Variants in SPIDR observed in about 807,000 individuals in gnomAD.
SPIDR encodes the protein scaffold protein involved in DNA repair.
In SPIDR, 93 loss-of-function variants were observed where a neutral mutation model predicts 104.6. The ratio of observed to expected loss-of-function variants is 0.89; its 90% CI spans 0.75 to 1.06. SPIDR has a LOEUF of 1.06. SPIDR is among the 50% of genes least tolerant of loss of function. The pLI, the probability that SPIDR is intolerant of heterozygous loss-of-function variation, is 0.00. For missense variants in SPIDR, 1,154 were observed against 1,111.2 expected, an observed-to-expected ratio of 1.04 and a Z score of -0.55; for synonymous variants, 431 against 416.9, an observed-to-expected ratio of 1.03 and a Z score of -0.41.
At chr8:47,337,241 C>T (rs2049938152) in intron 5 of SPIDR, among the ~76,000 whole-genome samples, 2 of 152,222 alleles carry the variant, frequency 1.3e-5, no homozygotes, top group South Asian at 2.1e-4. Flanking sequence ...TGACCTTCCA[C>T]CTCTGCCTCC....
At chr8:47,346,395 T>C (rs185532688) in intron 5 of SPIDR, among the ~76,000 whole-genome samples, 168 of 152,378 alleles carry the variant, frequency 1.1e-3, no homozygotes, top group African/African-American at 3.7e-3. Context: ...GATTTTTGCA[T>C]TGATGTTCAT....
chr8:47,522,921 A>G (rs1197100045), intron 8 of SPIDR, among the ~76,000 whole-genome samples: 1 of 151,978 alleles, frequency 6.6e-6, no homozygotes. Context: ...GGAATAGTTT[A>G]AAGATTTAAA....
intron 5 of SPIDR, among the ~76,000 whole-genome samples, chr8:47,343,762 T>G (rs988677596): frequency 8.5e-5 from 13 of 152,144 alleles, no homozygotes; most frequent in Non-Finnish European, 1.6e-4. Flanking sequence ...GTCCTTCCCT[T>G]TCTCAGGATG....
At chr8:47,310,066 G>A (rs1246141233) in intron 5 of SPIDR, among the ~76,000 whole-genome samples, 1 of 151,400 alleles carries the variant, frequency 6.6e-6, no homozygotes, top group Non-Finnish European at 1.5e-5. Context: ...CAGCGCTGTG[G>A]CTCACGCCTG....
chr8:47,569,486 A>G (rs1387970206), intron 8 of SPIDR, among the ~76,000 whole-genome samples: 3 of 152,180 alleles, frequency 2.0e-5, no homozygotes, highest in African/African-American at 7.2e-5. Context: ...CACATGGAAC[A>G]TTTTCCAGGA....
chr8:47,539,386 C>T (rs1474365066), intron 8 of SPIDR, among the ~76,000 whole-genome samples: 2 of 152,168 alleles, frequency 1.3e-5, no homozygotes, highest in East Asian at 3.8e-4. Context: ...GAGGCCACCT[C>T]CCTTAGCCAG....
At chr8:47,560,732 T>C (rs926569426) in intron 8 of SPIDR, among the ~76,000 whole-genome samples, 9 of 152,244 alleles carry the variant, frequency 5.9e-5, no homozygotes, top group Non-Finnish European at 1.2e-4. Flanking sequence ...TTTGCCTTGC[T>C]GTTCTCCTAT....
chr8:47,375,339 T>G (rs2058535747), intron 5 of SPIDR, among the ~76,000 whole-genome samples: 1 of 145,176 alleles, frequency 6.9e-6, no homozygotes. Flanking sequence ...CCTCCCAGCT[T>G]CAAGCAGTTC....
intron 5 of SPIDR, among the ~76,000 whole-genome samples, chr8:47,300,274 A>G (rs1319084392): frequency 3.3e-5 from 5 of 152,098 alleles, no homozygotes; most frequent in Admixed American, 2.0e-4. Context: ...GGTAGTTTGT[A>G]TATCTGTGGG....
In SPIDR at chr8:47,279,999, G is replaced by T; in HGVS notation, c.171G>T (p.Gln57His). ...EAWLRCGEGF[Q>H]NTSGNPSLTA... ...GGCTCAGGTGTGGAGAAGGGTTTCA[G>T]AACACTTCTGGGAATCCGGTAAAGT... is the stretch of plus-strand genomic sequence containing the variant. The change falls in exon 2 of 20, where the codon CAG becomes CAT. Residue 57 changes from glutamine (Q) to histidine (H), a missense_variant. Transcript: ENST00000297423. 6.2e-7 allele frequency: 1 copy of T among 1,613,848 alleles called. No homozygotes were observed. Among genetic ancestry groups the T allele is most frequent in the Non-Finnish European group, 8.5e-7 (1 of 1,179,954 alleles).
rs563930141 is a variant in SPIDR at position 47,656,331 on chromosome 8, C to A, written c.1545-17470C>A. On this transcript the variant is annotated intron_variant, in intron 10 of 19. Coordinates refer to ENST00000297423, the MANE Select transcript of SPIDR (RefSeq NM_001080394.4). ...CTTACTACTCAACAATAAAAAGATACCCAAATAAAAGATGGTTAAAAAATT... is the reference window on the plus strand; with the variant it reads ...CTTACTACTCAACAATAAAAAGATAACCAAATAAAAGATGGTTAAAAAATT... 2.0e-5 allele frequency among the ~76,000 whole-genome samples: 3 copies of A among 152,176 alleles called. No individual in the cohort carries two copies. The South Asian group carries it at 6.2e-4, about 32-fold the overall frequency.
chr8:47,452,646 T>C (rs1358429796), intron 8 of SPIDR, among the ~76,000 whole-genome samples: 2 of 152,134 alleles, frequency 1.3e-5, no homozygotes, highest in African/African-American at 4.8e-5. Context: ...GAAAAGGCCT[T>C]TGACAAAATT....
Position 47,487,379 on chromosome 8 carries a change from G to T in SPIDR, c.1097+46837G>T, listed in dbSNP as rs373519606. On this transcript the variant is annotated intron_variant, in intron 8 of 19. Coordinates refer to ENST00000297423, the MANE Select transcript of SPIDR (RefSeq NM_001080394.4). Reference sequence around the variant, plus strand: ...GCAAGTCCTTAGAGACCTACAAAGAGACTTAGACTCCCACACAATAATAAT... The same window carrying T: ...GCAAGTCCTTAGAGACCTACAAAGATACTTAGACTCCCACACAATAATAAT... Among the ~76,000 whole-genome samples the T allele has an allele frequency of 3.2e-4, 48 of 152,176 alleles. 1 individual carries two copies. In the East Asian group the frequency reaches 7.1e-3, roughly 23 times the overall value.
intron 10 of SPIDR, chr8:47,673,349 T>C (rs2076027272): frequency 2.2e-6 from 1 of 454,184 alleles, no homozygotes; most frequent in Admixed American, 2.4e-5. Flanking sequence ...GTTGTTCTTA[T>C]CGTAATGTTA....
chr8:47,508,304 T>A (rs1383691866), intron 8 of SPIDR, among the ~76,000 whole-genome samples: 1 of 152,202 alleles, frequency 6.6e-6, no homozygotes, highest in African/African-American at 2.4e-5. Context: ...GGAAAACACG[T>A]ACATGCAAAC....
chr8:47,269,089 C>T (rs1048588955), intron 1 of SPIDR, among the ~76,000 whole-genome samples: 2 of 151,340 alleles, frequency 1.3e-5, no homozygotes, highest in South Asian at 2.1e-4. Context: ...ATTGCTTGAG[C>T]CGAGGAGGTG....
At chr8:47,296,568 C>T (rs2040876779) in intron 5 of SPIDR, among the ~76,000 whole-genome samples, 1 of 152,172 alleles carries the variant, frequency 6.6e-6, no homozygotes, top group Non-Finnish European at 1.5e-5. Context: ...AAATAATTGA[C>T]CACAAATGTG....
chr8:47,589,022 GTTTTTTT>G (rs1168001066), intron 8 of SPIDR, among the ~76,000 whole-genome samples: 34 of 89,064 alleles, frequency 3.8e-4, no homozygotes, highest in East Asian at 2.1e-3. Context: ...TTTATAGTTT[GTTTTTTT>G]TTTTTTTTTT....
chr8:47,396,658 A>G, intron 6 of SPIDR, 32 bp downstream of exon 6: 2 of 1,550,866 alleles, frequency 1.3e-6, no homozygotes, highest in Non-Finnish European at 1.7e-6. Context: ...TACTCTTTTT[A>G]AATTTTTCTC....
Sources: allele counts gnomAD v4.1 joint callset (sites outside exome capture counted in the v4.1 genomes callset), GRCh38; gene constraint gnomAD v4.1.1; transcripts MANE v1.5; gene names NCBI Gene and HGNC (gene_info 2026-07-23, HGNC 2026-07-21).